Variants in MYH1 observed in about 807,000 individuals in gnomAD.
MYH1 encodes myosin-1.
Under a neutral mutation model 225.6 loss-of-function variants are expected in MYH1, and 214 were observed. The ratio of observed to expected loss-of-function variants is 0.95; its 90% CI spans 0.85 to 1.06. MYH1 has a LOEUF of 1.06. Ranked by LOEUF, MYH1 falls within the 50% of genes least tolerant of loss-of-function variation. MYH1 has a pLI of 0.00. For missense variants in MYH1, 2,098 were observed against 2,344.2 expected, an observed-to-expected ratio of 0.89 and a Z score of 2.17; for synonymous variants, 774 against 842.3, an observed-to-expected ratio of 0.92 and a Z score of 1.40.
rs756466287 is a variant in MYH1 at position 10,507,906 on chromosome 17, T to C, written c.1948A>G (p.Thr650Ala). Residue 650 changes from threonine to alanine, a missense_variant, in exon 17 of 40, where the codon ACT (threonine) becomes GCT (alanine). Coordinates refer to ENST00000226207, the MANE Select transcript of MYH1 (RefSeq NM_005963.4). Reference protein sequence around the residue: ...GGKKKGSSFQTVSALFRENLN... With the variant: ...GGKKKGSSFQAVSALFRENLN... Reference sequence around the variant, plus strand: ...TGTACCCTGAAGAGAGCAGACACAGTCTGGAAAGAAGAACCCTTCTTCTTA... The same window carrying C: ...TGTACCCTGAAGAGAGCAGACACAGCCTGGAAAGAAGAACCCTTCTTCTTA... 1 of 1,613,700 alleles carries C rather than the reference T, an allele frequency of 6.2e-7. No homozygotes were observed. The highest frequency in any genetic ancestry group is 1.1e-5 in the South Asian group (1 of 91,050).
Position 10,495,255 on chromosome 17 carries a change from C to A in MYH1, c.5232G>T (p.Glu1744Asp). The change falls in exon 36 of 40, where the codon GAG becomes GAT. Residue 1744 changes from glutamate to aspartate, a missense_variant. Physicochemically the swap from Glu to Asp is conservative, Grantham distance 45 (BLOSUM62 2). Coordinates refer to ENST00000226207, the MANE Select transcript of MYH1 (RefSeq NM_005963.4). ...LETDISQIQG[E>D]MEDIIQEARN... ...GGGCTTCCTGGATGATGTCTTCCAT[C>A]TCTCCCTGGATTTGGGAAATGTCTG... is the stretch of plus-strand genomic sequence containing the variant. The A allele has an allele frequency of 6.2e-7, 1 of 1,614,182 alleles. No homozygotes were observed.
chr17:10,507,627 C>G (rs74728767), intron 17 of MYH1, among the ~76,000 whole-genome samples: 1 of 152,062 alleles, frequency 6.6e-6, no homozygotes, highest in South Asian at 2.1e-4. Context: ...CGAATTTTGC[C>G]GTCTAATACT....
chr17:10,499,203 G>T (rs1392325571), intron 28 of MYH1, 111 bp from the exon 29 acceptor site: 2 of 863,128 alleles, frequency 2.3e-6, no homozygotes, highest in African/African-American at 1.7e-5. Flanking sequence ...GGAGGGCATG[G>T]GTGACAACAA....
intron 5 of MYH1, 76 bp downstream of exon 5, chr17:10,515,850 G>T: frequency 1.2e-6 from 2 of 1,607,410 alleles, no homozygotes; most frequent in Non-Finnish European, 1.7e-6. Flanking sequence ...TTTTTCTAAA[G>T]GTCTTTTTTT....
rs3050883 is a variant in MYH1, at chr17:10,495,760, C to CAAAAAAAAA, written c.5169+181_5169+189dup. On this transcript the variant is annotated intron_variant, in intron 35 of 39. Transcript: ENST00000226207. Reference sequence around the variant, plus strand: ...TGAGCGACAGAGCGAGACTCCGTCTCAAAAAAAAAAAAAAAATCAACTATG... The same window carrying CAAAAAAAAA: ...TGAGCGACAGAGCGAGACTCCGTCTCAAAAAAAAAAAAAAAAAAAAAAAAATCAACTATG... Among the ~76,000 whole-genome samples, 44 of 42,160 alleles carry CAAAAAAAAA rather than the reference C, an allele frequency of 1.0e-3. 6 individuals are homozygous for CAAAAAAAAA. In the East Asian group the frequency reaches 0.013, roughly 12 times the overall value. The allele number at this position is 42,160 out of a possible 152,430, so 27.7% of individuals were successfully genotyped here.
chr17:10,503,533 A>G (rs2073078639), intron 22 of MYH1, among the ~76,000 whole-genome samples: 1 of 152,170 alleles, frequency 6.6e-6, no homozygotes, highest in African/African-American at 2.4e-5. Context: ...TTTAATATTT[A>G]TTTTCAGGAG....
chr17:10,497,498 T>A, intron 31 of MYH1, 46 bp from the exon 32 acceptor site: 2 of 1,576,466 alleles, frequency 1.3e-6, no homozygotes, highest in Non-Finnish European at 1.7e-6. Flanking sequence ...CAAAATTTGA[T>A]GAGATAAAAA....
intron 6 of MYH1, 52 bp from the exon 7 acceptor site, chr17:10,514,176 C>A (rs1249469962): frequency 6.3e-7 from 1 of 1,587,438 alleles, no homozygotes; most frequent in South Asian, 1.1e-5. Flanking sequence ...AATGAAACTA[C>A]AACTACCTCA....
At position 10,492,311 on chromosome 17, in the gene MYH1, TGGCAGATAAATTTTTTATCTCCAAAAGTC is replaced by T; in HGVS notation, c.*76_*104del. The T allele has an allele frequency of 7.3e-7, 1 of 1,371,176 alleles. No individual in the cohort carries two copies. The highest frequency in any genetic ancestry group is 1.0e-6 in the Non-Finnish European group (1 of 990,572). The allele number at this position is 1,371,176 out of a possible 1,614,324, so 84.9% of individuals were successfully genotyped here. On this transcript the variant is annotated 3_prime_UTR_variant, in exon 40 of 40. Coordinates refer to ENST00000226207, the MANE Select transcript of MYH1 (RefSeq NM_005963.4). ...GGGGAAAAAGAGACTCACAAGTTTT[TGGCAGATAAATTTTTTATCTCCAAAAGTC>T]ATAAGTACAAAATGGAGTGACAAAG... is the stretch of plus-strand genomic sequence containing the variant.
chr17:10,506,637 C>T (rs1486812409), intron 17 of MYH1, among the ~76,000 whole-genome samples: 1 of 151,960 alleles, frequency 6.6e-6, no homozygotes, highest in Admixed American at 6.6e-5. Context: ...GGATTACAGG[C>T]ACATGCCACC....
intron 14 of MYH1, among the ~76,000 whole-genome samples, chr17:10,510,645 A>G (rs2073161676): frequency 6.6e-6 from 1 of 152,150 alleles, no homozygotes; most frequent in Non-Finnish European, 1.5e-5. Context: ...AAGGAATTCT[A>G]TGAGGGGGAT....
At position 10,497,145 on chromosome 17, in the gene MYH1, A is replaced by T; in HGVS notation, c.4580T>A (p.Ile1527Asn). ...TEQIAEGGKR[I>N]HELEKIKKQV... ...CTTCTTTATTTTTTCCAGTTCATGG[A>T]TGCGCTTTCCTCCTTCTGCAATCTG... Residue 1527 changes from isoleucine (I) to asparagine (N), a missense_variant, in exon 33 of 40, where the codon ATC becomes AAC. By Grantham distance (149) the Ile-to-Asn change is moderately radical (BLOSUM62 -3). Transcript: ENST00000226207. The T allele has an allele frequency of 6.2e-7, 1 of 1,614,106 alleles. No individual in the cohort carries two copies. Among genetic ancestry groups the T allele is most frequent in the Non-Finnish European group, 8.5e-7 (1 of 1,180,016 alleles).
In MYH1 at chr17:10,498,980, C is replaced by A. The variant is rs2073024861; in HGVS notation, c.3978G>T (p.Glu1326Asp). 6.2e-7 allele frequency: 1 copy of A among 1,611,626 alleles called. No individual in the cohort carries two copies. The highest frequency in any genetic ancestry group is 2.2e-5 in the East Asian group (1 of 44,870). Reference sequence around the variant, plus strand: ...AATGACAAGTGGAGCTTACCTTTATCTCCTCTTCAAGTTGCCTTTTCAGTT... The same window carrying A: ...AATGACAAGTGGAGCTTACCTTTATATCCTCTTCAAGTTGCCTTTTCAGTT... ...IEELKRQLEE[E>D]IKAKSALAHA... Residue 1326 changes from glutamate (E) to aspartate (D), a missense_variant, in exon 29 of 40, where the codon GAG becomes GAT. Coordinates refer to ENST00000226207, the MANE Select transcript of MYH1 (RefSeq NM_005963.4).
intron 17 of MYH1, among the ~76,000 whole-genome samples, chr17:10,506,428 C>G (rs180919018): frequency 6.6e-6 from 1 of 152,148 alleles, no homozygotes; most frequent in East Asian, 1.9e-4. Flanking sequence ...GATACATGGT[C>G]TGATTTTACT....
At chr17:10,499,894 A>G (rs1370119643) in intron 28 of MYH1, among the ~76,000 whole-genome samples, 1 of 152,254 alleles carries the variant, frequency 6.6e-6, no homozygotes, top group East Asian at 1.9e-4. Context: ...AATTACCCAT[A>G]AAACAATTTC....
intron 15 of MYH1, 143 bp downstream of exon 15, chr17:10,509,342 A>C (rs984419261): frequency 7.7e-6 from 10 of 1,302,152 alleles, no homozygotes; most frequent in African/African-American, 1.5e-5. Context: ...CAGAATATCT[A>C]CTTCAGAGTT....
Position 10,516,679 on chromosome 17 carries a change from C to T in MYH1, c.-37G>A. 1 of 1,609,656 alleles carries T rather than the reference C, an allele frequency of 6.2e-7. No individual in the cohort carries two copies. On this transcript the variant is annotated 5_prime_UTR_variant, in exon 3 of 40. Coordinates refer to ENST00000226207, the MANE Select transcript of MYH1 (RefSeq NM_005963.4). ...ATTGATGGTAGCCCAGTTAAGGACC[C>T]TGGCTGGGAGAGGAAGAAAAGAAAT...
At position 10,492,436 on chromosome 17, in the gene MYH1, T is replaced by C. The variant is rs1567713390; in HGVS notation, c.5800A>G (p.Lys1934Glu). The change falls in exon 40 of 40, where the codon AAA becomes GAA. Residue 1934 changes from lysine to glutamate, a missense_variant. Coordinates refer to ENST00000226207, the MANE Select transcript of MYH1 (RefSeq NM_005963.4). ...ATAAATTACTCTTCACTTATGATTT[T>C]TGTGTGAACCTCCCTGCTCTTCACC... ...LRVKSREVHT[K>E]IISEE is the part of the protein sequence containing the mutation. 6.2e-7 allele frequency: 1 copy of C among 1,613,980 alleles called. No individual in the cohort carries two copies. Among genetic ancestry groups the C allele is most frequent in the African/African-American group, 1.3e-5 (1 of 75,036 alleles).
In MYH1 at chr17:10,512,441, G is replaced by A. The variant is rs762400651; in HGVS notation, c.1114C>T (p.Arg372Cys). ...YGNMKFKQKQ[R>C]EEQAEPDGTE... The stretch of plus-strand genomic sequence containing the variant: ...CCATCTGGCTCAGCTTGCTCCTCAC[G>A]CTGCTTTTGCTTGAATTTCATGTTC... Residue 372 changes from arginine (R) to cysteine (C), a missense_variant, in exon 12 of 40, where the codon CGT becomes TGT. Physicochemically the swap from Arg to Cys is radical, Grantham distance 180. Transcript: ENST00000226207. The A allele has an allele frequency of 1.6e-4, 257 of 1,613,936 alleles. 1 individual carries two copies. The highest frequency in any genetic ancestry group is 2.0e-4 in the Non-Finnish European group (238 of 1,180,002).
Sources: gnomAD v4.1 joint callset for allele counts (sites outside exome capture counted in the v4.1 genomes callset) on GRCh38, gnomAD v4.1.1 for gene constraint, MANE v1.5 for transcripts, NCBI Gene and HGNC (gene_info 2026-07-23, HGNC 2026-07-21) for gene names.